The following ADAMTS12 variants were observed in gnomAD, a reference collection of about 807,000 sequenced individuals.
ADAMTS12 encodes the protein ADAM metallopeptidase with thrombospondin type 1 motif 12.
Under a neutral mutation model 167.8 loss-of-function variants are expected in ADAMTS12, and 118 were observed. That is an observed-to-expected ratio of 0.70 (90% confidence interval 0.61 to 0.82). The LOEUF is 0.82. ADAMTS12 is among the 40% of genes least tolerant of loss of function. The pLI, the probability that ADAMTS12 is intolerant of heterozygous loss-of-function variation, is 0.00. For synonymous variants in ADAMTS12, 704 were observed against 716.9 expected, an observed-to-expected ratio of 0.98 and a Z score of 0.29; for missense variants, 1,916 against 1,998.8, an observed-to-expected ratio of 0.96 and a Z score of 0.79.
rs755506534 is a variant in ADAMTS12 at position 33,546,068 on chromosome 5, G to C, written c.4437C>G (p.Asn1479Lys). Residue 1479 changes from asparagine (N) to lysine (K), a missense_variant, in exon 22 of 24, where the codon AAC (asparagine) becomes AAG (lysine). By Grantham distance (94) the Asn-to-Lys change is moderately conservative (BLOSUM62 0). Transcript: ENST00000504830. ...EHLCCHWATG[N>K]WDLCSTSCGG... Reference sequence around the variant, plus strand: ...TATAACCAAGTCTTACCAGGTCCCAGTTCCCAGTGGCCCAGTGACAGCACA... The same window carrying C: ...TATAACCAAGTCTTACCAGGTCCCACTTCCCAGTGGCCCAGTGACAGCACA... The C allele has an allele frequency of 6.2e-7, 1 of 1,611,846 alleles. No homozygotes were observed. Among genetic ancestry groups the C allele is most frequent in the Admixed American group, 1.7e-5 (1 of 59,644 alleles).
chr5:33,863,298 T>G (rs1371334899), intron 2 of ADAMTS12, among the ~76,000 whole-genome samples: 1 of 152,184 alleles, frequency 6.6e-6, no homozygotes, highest in Admixed American at 6.5e-5. Flanking sequence ...AAAACCCCAT[T>G]GTCTCTGTCC....
At chr5:33,584,736 A>G (rs1747248928) in intron 18 of ADAMTS12, among the ~76,000 whole-genome samples, 1 of 152,260 alleles carries the variant, frequency 6.6e-6, no homozygotes. Context: ...GCTCAAGGCC[A>G]CACAATTAGA....
At chr5:33,858,877 G>C (rs28801802) in intron 2 of ADAMTS12, among the ~76,000 whole-genome samples, 3,196 of 151,918 alleles carry the variant, frequency 0.021, 105 homozygotes, top group African/African-American at 0.073. Flanking sequence ...AAGCAGGATG[G>C]GGTGTCACCT....
intron 2 of ADAMTS12, among the ~76,000 whole-genome samples, chr5:33,795,381 C>T (rs180827359): frequency 3.3e-5 from 5 of 152,180 alleles, no homozygotes; most frequent in East Asian, 1.9e-4. Context: ...AAATGCCCCA[C>T]GATGTAGTGC....
At chr5:33,814,672 T>G (rs1302294360) in intron 2 of ADAMTS12, among the ~76,000 whole-genome samples, 2 of 152,122 alleles carry the variant, frequency 1.3e-5, no homozygotes, top group Non-Finnish European at 2.9e-5. Context: ...CTAGGATCCT[T>G]CAACATTAAG....
At chr5:33,890,312 GAAC>G (rs1253350766) in intron 1 of ADAMTS12, among the ~76,000 whole-genome samples, 3 of 152,294 alleles carry the variant, frequency 2.0e-5, no homozygotes, top group Admixed American at 1.3e-4. Context: ...GTTTTTCAAA[GAAC>G]AACAAGCCCT....
chr5:33,574,555 C>G (rs186733741), intron 19 of ADAMTS12, among the ~76,000 whole-genome samples: 597 of 138,240 alleles, frequency 4.3e-3, no homozygotes, highest in South Asian at 9.4e-3. Flanking sequence ...AATGAGAATA[C>G]ATGGACACAG....
chr5:33,795,322 C>G (rs1224963708), intron 2 of ADAMTS12, among the ~76,000 whole-genome samples: 1 of 152,142 alleles, frequency 6.6e-6, no homozygotes, highest in Non-Finnish European at 1.5e-5. Flanking sequence ...TACACCAACC[C>G]AGATAGAAAT....
intron 2 of ADAMTS12, among the ~76,000 whole-genome samples, chr5:33,844,285 CTT>C (rs1011505304): frequency 2.6e-5 from 4 of 152,188 alleles, no homozygotes; most frequent in Non-Finnish European, 4.4e-5. Context: ...AGAGAGATAA[CTT>C]TAAACTCTGA....
chr5:33,656,593 A>G (rs887967490), intron 7 of ADAMTS12, among the ~76,000 whole-genome samples: 5 of 152,212 alleles, frequency 3.3e-5, no homozygotes, highest in African/African-American at 1.2e-4. Context: ...TTTATCAAGC[A>G]AAGTCTTTTC....
intron 3 of ADAMTS12, among the ~76,000 whole-genome samples, chr5:33,705,010 A>C (rs1743139705): frequency 6.6e-6 from 1 of 151,110 alleles, no homozygotes; most frequent in African/African-American, 2.4e-5. Context: ...GTAAGGGTTC[A>C]ATTTTATGCT....
At chr5:33,816,246 T>C (rs375215760) in intron 2 of ADAMTS12, among the ~76,000 whole-genome samples, 2 of 152,322 alleles carry the variant, frequency 1.3e-5, no homozygotes, top group African/African-American at 4.8e-5. Context: ...GATTTATGAA[T>C]ACAATGTGGA....
chr5:33,838,901 C>G (rs1748634860), intron 2 of ADAMTS12, among the ~76,000 whole-genome samples: 1 of 151,866 alleles, frequency 6.6e-6, no homozygotes, highest in African/African-American at 2.4e-5. Flanking sequence ...GACTAAAACT[C>G]TTAGAAACAA....
At chr5:33,665,982 T>A (rs898203764) in intron 5 of ADAMTS12, among the ~76,000 whole-genome samples, 1 of 152,202 alleles carries the variant, frequency 6.6e-6, no homozygotes, top group African/African-American at 2.4e-5. Context: ...CTTTACTTCA[T>A]CCTCTCCATT....
rs553490443 is a variant in ADAMTS12, at chr5:33,779,509, GT to G, written c.490-27962del. On this transcript the variant is annotated intron_variant, in intron 2 of 23. Transcript: ENST00000504830. ...CCTGAAATTGCTGTCTTGAAGAGATGTCTGAACTCCTATGCTCATTGCAGCA... is the reference window on the plus strand; with the variant it reads ...CCTGAAATTGCTGTCTTGAAGAGATGCTGAACTCCTATGCTCATTGCAGCA... 5.9e-3 allele frequency among the ~76,000 whole-genome samples: 905 copies of G among 152,236 alleles called. 7 individuals carry two copies. The highest frequency in any genetic ancestry group is 0.021 in the African/African-American group (863 of 41,548).
chr5:33,767,875 A>C (rs1035237886), intron 2 of ADAMTS12, among the ~76,000 whole-genome samples: 4 of 152,186 alleles, frequency 2.6e-5, no homozygotes, highest in Admixed American at 6.5e-5. Flanking sequence ...GAACAAGAGC[A>C]AGGAAAATAA....
chr5:33,705,733 T>G (rs1743175693), intron 3 of ADAMTS12, among the ~76,000 whole-genome samples: 1 of 152,020 alleles, frequency 6.6e-6, no homozygotes, highest in Non-Finnish European at 1.5e-5. Context: ...CGCTTGAACC[T>G]GGGAGGCAGA....
chr5:33,889,195 T>A (rs1277239824), intron 1 of ADAMTS12, among the ~76,000 whole-genome samples: 1 of 152,086 alleles, frequency 6.6e-6, no homozygotes, highest in Non-Finnish European at 1.5e-5. Flanking sequence ...ATTCCTGTAA[T>A]CGCAGCATTT....
chr5:33,735,124 C>T (rs1451855731), intron 3 of ADAMTS12, among the ~76,000 whole-genome samples: 1 of 152,178 alleles, frequency 6.6e-6, no homozygotes, highest in Middle Eastern at 3.2e-3. Context: ...TAAATTCTCC[C>T]AACCCTTACT....
Sources: gnomAD v4.1 joint callset for allele counts (sites outside exome capture counted in the v4.1 genomes callset) on GRCh38, gnomAD v4.1.1 for gene constraint, MANE v1.5 for transcripts, NCBI Gene and HGNC (gene_info 2026-07-23, HGNC 2026-07-21) for gene names.